Variants in KCNMA1 observed in about 807,000 individuals in gnomAD.
KCNMA1 encodes Calcium-activated potassium channel subunit alpha-1.
A neutral mutation model predicts 140.0 loss-of-function variants in KCNMA1; 29 were observed. The observed-to-expected ratio is 0.21, with a 90% confidence interval of 0.15 to 0.28. The LOEUF is 0.28. Ranked by LOEUF, KCNMA1 falls within the 10% of genes least tolerant of loss-of-function variation. The probability of loss-of-function intolerance (pLI) is 1.00; values close to 1 mark genes in which losing one functional copy is unlikely to be tolerated. For synonymous variants in KCNMA1, 612 were observed against 611.9 expected, an observed-to-expected ratio of 1.00 and a Z score of 0.00; for missense variants, 880 against 1,602.2, an observed-to-expected ratio of 0.55 and a Z score of 7.70.
intron 2 of KCNMA1, among the ~76,000 whole-genome samples, chr10:77,330,898 T>C (rs372526895): frequency 1.3e-5 from 2 of 152,200 alleles, no homozygotes; most frequent in Non-Finnish European, 2.9e-5. Context: ...TTCAGGATGC[T>C]GGGGCATGCA....
At chr10:77,195,423 A>G (rs1171124485) in intron 3 of KCNMA1, among the ~76,000 whole-genome samples, 3 of 152,142 alleles carry the variant, frequency 2.0e-5, no homozygotes, top group Non-Finnish European at 4.4e-5. Context: ...CCTTTAAAAC[A>G]AACTGTCATC....
chr10:77,217,415 T>C (rs2048152946), intron 3 of KCNMA1: 1 of 443,546 alleles, frequency 2.3e-6, no homozygotes, highest in Non-Finnish European at 4.6e-6. Flanking sequence ...TCTCAGGCCT[T>C]ACTTCTCACA....
At chr10:76,987,579 A>T (rs2081619704) in intron 19 of KCNMA1, among the ~76,000 whole-genome samples, 1 of 152,184 alleles carries the variant, frequency 6.6e-6, no homozygotes, top group Non-Finnish European at 1.5e-5. Context: ...TACTTACTAC[A>T]ATGGATGGCA....
intron 1 of KCNMA1, among the ~76,000 whole-genome samples, chr10:77,558,290 T>C (rs964358485): frequency 1.3e-5 from 2 of 152,080 alleles, no homozygotes; most frequent in South Asian, 4.2e-4. Flanking sequence ...CCTGGCAGCA[T>C]CTCCCTTAGA....
intron 1 of KCNMA1, among the ~76,000 whole-genome samples, chr10:77,569,303 G>C (rs2069873552): frequency 9.8e-6 from 1 of 102,154 alleles, no homozygotes; most frequent in Non-Finnish European, 2.1e-5. Context: ...AAAGAACAAA[G>C]CTGGAGGCAT....
chr10:76,928,285 G>A (rs189299682), intron 23 of KCNMA1, among the ~76,000 whole-genome samples: 101 of 80,964 alleles, frequency 1.2e-3, no homozygotes, highest in African/African-American at 3.7e-3. Context: ...ACGAACACGC[G>A]CGCGCACACA....
chr10:77,501,866 G>C (rs909116048), intron 1 of KCNMA1, among the ~76,000 whole-genome samples: 4 of 152,208 alleles, frequency 2.6e-5, no homozygotes, highest in African/African-American at 9.6e-5. Flanking sequence ...AAATCAAAAT[G>C]TCCTGTGGGG....
At chr10:77,084,815 TGCAAAGAA>T in intron 11 of KCNMA1, 96 bp from the exon 12 acceptor site, 1 of 855,604 alleles carries the variant, frequency 1.2e-6, no homozygotes, top group Admixed American at 2.1e-5. Flanking sequence ...GGGGAAGCTT[TGCAAAGAA>T]AAAAAAAAAA....
chr10:77,319,100 A>G (rs1219980321), intron 2 of KCNMA1, among the ~76,000 whole-genome samples: 3 of 152,208 alleles, frequency 2.0e-5, no homozygotes, highest in African/African-American at 7.2e-5. Context: ...TGAGGAATTT[A>G]TAAGCTAGGA....
At chr10:77,585,496 T>C (rs1480844528) in intron 1 of KCNMA1, among the ~76,000 whole-genome samples, 3 of 152,242 alleles carry the variant, frequency 2.0e-5, no homozygotes, top group Admixed American at 2.0e-4. Flanking sequence ...CTTATCAGAT[T>C]GCTTTCACTA....
In KCNMA1 at chr10:77,092,070, G is replaced by A. The variant is rs188034401; in HGVS notation, c.1224-1560C>T. 122 of 152,308 alleles carry A rather than the reference G, an allele frequency of 8.0e-4. 1 individual carries two copies. Among genetic ancestry groups the A allele is most frequent in the African/African-American group, 2.6e-3 (109 of 41,582 alleles). 9.4% of individuals were successfully genotyped at this position (152,308 alleles called of 1,614,324 possible). On this transcript the variant is annotated intron_variant, in intron 9 of 27. Transcript: ENST00000286628. ...GTCAATGAGCTACTTCAGAAGAGAT[G>A]TCTTAACATGATCACTTTGCTCTCC...
At chr10:76,952,763 G>A (rs2066782576) in intron 21 of KCNMA1, among the ~76,000 whole-genome samples, 1 of 152,198 alleles carries the variant, frequency 6.6e-6, no homozygotes, top group African/African-American at 2.4e-5. Flanking sequence ...AGTCCAGTGT[G>A]TTAGCATACA....
intron 3 of KCNMA1, among the ~76,000 whole-genome samples, chr10:77,195,619 A>G (rs561975765): frequency 1.3e-5 from 2 of 151,362 alleles, no homozygotes; most frequent in East Asian, 3.9e-4. Context: ...TCATTTATTT[A>G]TCAAAATTAG....
At chr10:77,023,093 G>GC (rs1346456546) in intron 16 of KCNMA1, among the ~76,000 whole-genome samples, 3 of 152,200 alleles carry the variant, frequency 2.0e-5, no homozygotes, top group Admixed American at 1.3e-4. Flanking sequence ...GAGGAGCACC[G>GC]CGTCTCAAGT....
chr10:77,435,969 T>C (rs2097255370), intron 1 of KCNMA1, among the ~76,000 whole-genome samples: 2 of 152,180 alleles, frequency 1.3e-5, no homozygotes, highest in Admixed American at 6.5e-5. Flanking sequence ...TTATTCCCGA[T>C]CTTAGACTAC....
intron 3 of KCNMA1, among the ~76,000 whole-genome samples, chr10:77,223,787 A>G (rs12767350): frequency 0.16 from 25,094 of 152,164 alleles, 2,499 homozygotes; most frequent in Non-Finnish European, 0.21. Flanking sequence ...GGTAGAGGTC[A>G]TGGACGAAGT....
At chr10:77,364,191 C>T (rs1288785807) in intron 2 of KCNMA1, among the ~76,000 whole-genome samples, 1 of 152,098 alleles carries the variant, frequency 6.6e-6, no homozygotes, top group Non-Finnish European at 1.5e-5. Flanking sequence ...TGGCTCACAC[C>T]TGTAATCCCA....
At chr10:77,349,329 TG>T (rs1418651490) in intron 2 of KCNMA1, among the ~76,000 whole-genome samples, 2 of 152,204 alleles carry the variant, frequency 1.3e-5, no homozygotes, top group African/African-American at 4.8e-5. Context: ...CCAAATCTGC[TG>T]GTGTCTTGAC....
At chr10:77,002,963 C>T (rs1003316093) in intron 18 of KCNMA1, among the ~76,000 whole-genome samples, 2 of 152,162 alleles carry the variant, frequency 1.3e-5, no homozygotes, top group Non-Finnish European at 2.9e-5. Flanking sequence ...AGAATGGTTG[C>T]ACTCTTATTT....
Sources: allele counts gnomAD v4.1 joint callset (sites outside exome capture counted in the v4.1 genomes callset), GRCh38; gene constraint gnomAD v4.1.1; transcripts MANE v1.5; gene names NCBI Gene and HGNC (gene_info 2026-07-23, HGNC 2026-07-21).